Variants in STYXL2 observed in about 807,000 individuals in gnomAD.
The protein encoded by STYXL2 is serine/threonine/tyrosine interacting like 2.
STYXL2 carries 44 observed loss-of-function variants against 52.4 expected under a neutral mutation model. The ratio of observed to expected loss-of-function variants is 0.84; its 90% CI spans 0.66 to 1.08. STYXL2 has a LOEUF of 1.08. Ranked by LOEUF, STYXL2 falls within the 50% of genes least tolerant of loss-of-function variation. The probability of loss-of-function intolerance (pLI) is 0.00; values close to 1 mark genes in which losing one functional copy is unlikely to be tolerated. For missense variants in STYXL2, 1,604 were observed against 1,471.7 expected (o/e 1.09, Z -1.47); for synonymous variants, 604 against 586.9 (o/e 1.03, Z -0.42).
chr1:167,125,276 G>T (rs1235733278), intron 5 of STYXL2, among the ~76,000 whole-genome samples: 1 of 152,182 alleles, frequency 6.6e-6, no homozygotes, highest in African/African-American at 2.4e-5. Flanking sequence ...GGAGTGAATT[G>T]TGTCTATGTG....
chr1:167,129,054 C>T lies in STYXL2; in HGVS notation c.*446C>T, dbSNP rs1171168261. On this transcript the variant is annotated 3_prime_UTR_variant, in exon 6 of 6. Coordinates refer to ENST00000361200, the MANE Select transcript of STYXL2 (RefSeq NM_001080426.3). ...GTCTATCCTATGGCAAGTCTGACCT[C>T]TCCTGGCAATGCTCAGTTCTGATTT... 2 of 151,558 alleles carry T rather than the reference C, an allele frequency of 1.3e-5. No individual in the cohort carries two copies. Among genetic ancestry groups the T allele is most frequent in the Non-Finnish European group, 2.9e-5 (2 of 69,788 alleles). 9.4% of individuals were successfully genotyped at this position (151,558 alleles called of 1,614,324 possible). A position where few individuals can be genotyped will look rare whatever the true frequency, so the allele number is the denominator to read the frequency against.
intron 2 of STYXL2, among the ~76,000 whole-genome samples, chr1:167,111,505 TATATATATAC>T (rs1281980599): frequency 8.5e-4 from 42 of 49,518 alleles, no homozygotes; most frequent in African/African-American, 5.7e-3. Context: ...TATATATATA[TATATATATAC>T]ACACACACAC....
At chr1:167,121,871 T>G (rs1385286358) in intron 5 of STYXL2, among the ~76,000 whole-genome samples, 3 of 152,190 alleles carry the variant, frequency 2.0e-5, no homozygotes, top group African/African-American at 7.2e-5. Context: ...AGGCCCTTAT[T>G]GTTGCTGTGC....
Position 167,105,407 on chromosome 1 carries a change from C to G in STYXL2, c.111-8303C>G, listed in dbSNP as rs182936311. ...CCTGATCCTATGATGAGGTATGTAT[C>G]GATCCTAGGTCCTTTTTTTCCCTGC... On this transcript the variant is annotated intron_variant, in intron 2 of 5. Coordinates refer to ENST00000361200, the MANE Select transcript of STYXL2 (RefSeq NM_001080426.3). 1.7e-3 allele frequency among the ~76,000 whole-genome samples: 260 copies of G among 152,306 alleles called. 1 individual carries two copies. The highest frequency in any genetic ancestry group is 6.1e-3 in the African/African-American group (252 of 41,562).
In STYXL2 at chr1:167,126,899, C is replaced by G; in HGVS notation, c.1768C>G (p.Gln590Glu). 6.2e-7 allele frequency: 1 copy of G among 1,612,014 alleles called. No individual in the cohort carries two copies. Among genetic ancestry groups the G allele is most frequent in the South Asian group, 1.1e-5 (1 of 90,678 alleles). ...NPSDVSLTAY[Q>E]AWKLKHQKKV... ...CTCCGACGTCAGCCTGACAGCCTACCAGGCCTGGAAGCTGAAACACCAGAA... is the reference window on the plus strand; with the variant it reads ...CTCCGACGTCAGCCTGACAGCCTACGAGGCCTGGAAGCTGAAACACCAGAA... The change falls in exon 6 of 6, where the codon CAG becomes GAG. Residue 590 changes from glutamine (Q) to glutamate (E), a missense_variant. Physicochemically the swap from Gln to Glu is conservative, Grantham distance 29. Coordinates refer to ENST00000361200, the MANE Select transcript of STYXL2 (RefSeq NM_001080426.3).
rs530859714 is a variant in STYXL2 at position 167,094,169 on chromosome 1, G to A, written c.-42G>A. On this transcript the variant is annotated 5_prime_UTR_variant, in exon 1 of 6. It adds an upstream start codon to the 5' untranslated region. Transcript: ENST00000361200. Reference sequence around the variant, plus strand: ...TTTCATCTGGGTCCCTCAGCCCTTGGTGGGGAACATCCAGGCAGGTTAGAG... The same window carrying A: ...TTTCATCTGGGTCCCTCAGCCCTTGATGGGGAACATCCAGGCAGGTTAGAG... The A allele has an allele frequency of 6.6e-6, 1 of 152,584 alleles. No individual in the cohort carries two copies. The highest frequency in any genetic ancestry group is 2.1e-4 in the South Asian group (1 of 4,830). The allele number at this position is 152,584 out of a possible 1,614,324, so 9.5% of individuals were successfully genotyped here. A position where few individuals can be genotyped will look rare whatever the true frequency, so the allele number is the denominator to read the frequency against.
chr1:167,119,489 G>T, intron 5 of STYXL2, 23 bp downstream of exon 5: 1 of 1,606,210 alleles, frequency 6.2e-7, no homozygotes, highest in Non-Finnish European at 8.5e-7. Context: ...TGCCGCTCCA[G>T]GCTGCTGGAA....
intron 2 of STYXL2, among the ~76,000 whole-genome samples, chr1:167,104,131 G>A (rs1667460786): frequency 6.6e-6 from 1 of 151,894 alleles, no homozygotes; most frequent in Non-Finnish European, 1.5e-5. Flanking sequence ...AAAAAAAGAA[G>A]TAAGTGCGCT....
chr1:167,108,976 T>C (rs1281010323), intron 2 of STYXL2, among the ~76,000 whole-genome samples: 1 of 143,832 alleles, frequency 7.0e-6, no homozygotes, highest in Non-Finnish European at 1.6e-5. Flanking sequence ...CTGAGAAACA[T>C]ATAAAAGTAG....
Position 167,102,232 on chromosome 1 carries a change from T to C in STYXL2, c.110+7273T>C, listed in dbSNP as rs1667418586. ...GGTTGCAGTGATGGCTTCACGGATG[T>C]ATACATATGTCAAATCTTGTATATT... On this transcript the variant is annotated intron_variant, in intron 2 of 5. Coordinates refer to ENST00000361200, the MANE Select transcript of STYXL2 (RefSeq NM_001080426.3). Among the ~76,000 whole-genome samples, 7 of 152,242 alleles carry C rather than the reference T, an allele frequency of 4.6e-5. No individual in the cohort carries two copies. In the South Asian group the frequency reaches 1.2e-3, roughly 27 times the overall value.
intron 2 of STYXL2, among the ~76,000 whole-genome samples, chr1:167,096,302 A>T (rs1667284135): frequency 6.6e-6 from 1 of 152,100 alleles, no homozygotes; most frequent in Admixed American, 6.5e-5. Flanking sequence ...CCACTTAGGA[A>T]AACTCTCAGG....
intron 2 of STYXL2, among the ~76,000 whole-genome samples, chr1:167,096,660 T>C (rs1667291118): frequency 1.3e-5 from 2 of 152,226 alleles, no homozygotes; most frequent in African/African-American, 4.8e-5. Context: ...TTCACTCATA[T>C]TCTATCGTCT....
rs1438267100 is a variant in STYXL2 at position 167,127,681 on chromosome 1, G to A, written c.2550G>A (p.Lys850=). 1 of 1,614,004 alleles carries A rather than the reference G, an allele frequency of 6.2e-7. No individual in the cohort carries two copies. Among genetic ancestry groups the A allele is most frequent in the African/African-American group, 1.3e-5 (1 of 74,882 alleles). ...EKEMQMELRE[K]MSEYKMEKLA... is the part of the protein sequence containing the mutation. The stretch of plus-strand genomic sequence containing the variant: ...AGATGCAGATGGAGCTTAGGGAGAA[G>A]ATGTCTGAGTACAAAATGGAAAAGC... The change falls in exon 6 of 6, where the codon AAG becomes AAA. Residue 850 remains lysine (K), a synonymous_variant. Coordinates refer to ENST00000361200, the MANE Select transcript of STYXL2 (RefSeq NM_001080426.3).
At chr1:167,095,094 T>C (rs1409649476) in intron 2 of STYXL2, 135 bp downstream of exon 2, 2 of 643,894 alleles carry the variant, frequency 3.1e-6, no homozygotes, top group African/African-American at 1.8e-5. Flanking sequence ...AGTACTTGTA[T>C]GTGTCCTACT....
intron 5 of STYXL2, among the ~76,000 whole-genome samples, chr1:167,121,042 G>A (rs113801209): frequency 1.4e-5 from 2 of 142,616 alleles, no homozygotes; most frequent in Non-Finnish European, 3.0e-5. Flanking sequence ...GCGGAGTCTC[G>A]CTCTTGTCGC....
chr1:167,103,243 C>G lies in STYXL2; in HGVS notation c.110+8284C>G, dbSNP rs147867545. On this transcript the variant is annotated intron_variant, in intron 2 of 5. Transcript: ENST00000361200. The stretch of plus-strand genomic sequence containing the variant: ...CATCTCAAAAGCTTTAACTTAATTA[C>G]TCCTGCAATGATCCTTTTTCCAAAA... Among the ~76,000 whole-genome samples, 849 of 152,314 alleles carry G rather than the reference C, an allele frequency of 5.6e-3. 6 individuals carry two copies. Among genetic ancestry groups the G allele is most frequent in the Non-Finnish European group, 9.0e-3 (609 of 68,024 alleles).
intron 2 of STYXL2, among the ~76,000 whole-genome samples, chr1:167,108,000 C>T (rs1157243998): frequency 2.6e-5 from 4 of 152,150 alleles, no homozygotes; most frequent in Admixed American, 1.3e-4. Context: ...GTGAGAATGA[C>T]AGCCAAAAGA....
intron 5 of STYXL2, among the ~76,000 whole-genome samples, chr1:167,121,845 C>T (rs1223964890): frequency 2.0e-5 from 3 of 152,222 alleles, no homozygotes; most frequent in African/African-American, 4.8e-5. Context: ...CCTCACTCTC[C>T]CTGCCAGGCA....
chr1:167,126,540 C>T lies in STYXL2; in HGVS notation c.1409C>T (p.Ser470Leu), dbSNP rs144860364. ...CACGGCAGGAGGCGCCGCGCAGACT[C>T]GATGTCCTCGGAGAGCACCTGGGAC... ...PDHGRRRRAD[S>L]MSSESTWDAW... Residue 470 changes from serine (S) to leucine (L), a missense_variant, in exon 6 of 6, where the codon TCG becomes TTG. Ser to Leu is a moderately radical substitution (Grantham distance 145). Coordinates refer to ENST00000361200, the MANE Select transcript of STYXL2 (RefSeq NM_001080426.3). The T allele has an allele frequency of 1.3e-4, 214 of 1,613,646 alleles. No homozygotes were observed. In the African/African-American group the frequency reaches 2.5e-3, roughly 18 times the overall value.
Sources: gnomAD v4.1 joint callset for allele counts (sites outside exome capture counted in the v4.1 genomes callset) on GRCh38, gnomAD v4.1.1 for gene constraint, MANE v1.5 for transcripts, NCBI Gene and HGNC (gene_info 2026-07-23, HGNC 2026-07-21) for gene names.